WWOX: variants seen among roughly 807,000 people sequenced by gnomAD.
WWOX encodes WW domain containing oxidoreductase.
WWOX carries 69 observed loss-of-function variants against 46.2 expected under a neutral mutation model. The observed-to-expected ratio is 1.49, with a 90% CI of 1.23 to 1.82. The LOEUF is 1.82. Among genes scored for constraint, WWOX ranks in the 40% most tolerant of loss-of-function variants. The pLI is 0.00. For missense variants in WWOX, 919 were observed against 542.6 expected (o/e 1.69, Z -6.89); for synonymous variants, 359 against 202.6 (o/e 1.77, Z -6.56).
chr16:78,753,944 G>A (rs2049566943), intron 8 of WWOX, among the ~76,000 whole-genome samples: 1 of 145,820 alleles, frequency 6.9e-6, no homozygotes, highest in African/African-American at 2.5e-5. Context: ...GCAGAAACAG[G>A]GGAATTCTGT....
At chr16:78,866,599 A>G (rs1402056969) in intron 8 of WWOX, among the ~76,000 whole-genome samples, 2 of 152,364 alleles carry the variant, frequency 1.3e-5, no homozygotes, top group East Asian at 3.9e-4. Context: ...GTTCAGGGCC[A>G]CCAAGGCACT....
chr16:78,704,271 G>A (rs2048286757), intron 8 of WWOX, among the ~76,000 whole-genome samples: 1 of 152,042 alleles, frequency 6.6e-6, no homozygotes, highest in Non-Finnish European at 1.5e-5. Context: ...GGATCCCATA[G>A]CGGGTATCTC....
At chr16:78,278,748 T>C (rs1322695482) in intron 5 of WWOX, 2 of 1,207,672 alleles carry the variant, frequency 1.7e-6, no homozygotes, top group East Asian at 2.5e-5. Flanking sequence ...TTTTGACTTC[T>C]ATCTCGGTGA....
intron 8 of WWOX, among the ~76,000 whole-genome samples, chr16:79,017,877 T>C (rs767381875): frequency 2.6e-5 from 4 of 152,294 alleles, no homozygotes; most frequent in South Asian, 2.1e-4. Context: ...TGGACTGTAG[T>C]TTGCTGACAT....
At chr16:79,012,552 T>G (rs1396600454) in intron 8 of WWOX, among the ~76,000 whole-genome samples, 1 of 152,140 alleles carries the variant, frequency 6.6e-6, no homozygotes, top group Non-Finnish European at 1.5e-5. Flanking sequence ...AATTTTTAAT[T>G]TGATATCATT....
intron 8 of WWOX, among the ~76,000 whole-genome samples, chr16:78,730,929 G>C (rs566950783): frequency 1.3e-5 from 2 of 152,156 alleles, no homozygotes; most frequent in East Asian, 1.9e-4. Flanking sequence ...AGATCACTTT[G>C]TTTGTTCCCC....
chr16:78,298,627 AC>A (rs1343141503), intron 5 of WWOX, among the ~76,000 whole-genome samples: 4 of 152,126 alleles, frequency 2.6e-5, no homozygotes, highest in Admixed American at 2.6e-4. Flanking sequence ...CCTTGCCTCT[AC>A]TAAAAATATA....
chr16:78,191,061 T>C (rs186059543), intron 5 of WWOX, among the ~76,000 whole-genome samples: 3 of 152,162 alleles, frequency 2.0e-5, no homozygotes, highest in Non-Finnish European at 4.4e-5. Flanking sequence ...GAAAATCTAC[T>C]TTATGAGCCC....
intron 6 of WWOX, among the ~76,000 whole-genome samples, chr16:78,388,112 A>G (rs529478885): frequency 4.7e-4 from 71 of 152,238 alleles, no homozygotes; most frequent in African/African-American, 1.7e-3. Context: ...CCTTAATGCA[A>G]CGTCCCACTG....
chr16:78,211,053 G>T (rs2036544827), intron 5 of WWOX, among the ~76,000 whole-genome samples: 1 of 152,092 alleles, frequency 6.6e-6, no homozygotes, highest in Non-Finnish European at 1.5e-5. Flanking sequence ...AGAATTGTGG[G>T]CAATTTCAGC....
chr16:78,435,245 C>G (rs2083307993), intron 8 of WWOX, among the ~76,000 whole-genome samples: 1 of 152,088 alleles, frequency 6.6e-6, no homozygotes. Context: ...ACTCAGTGAG[C>G]ACCGTACCTG....
intron 6 of WWOX, 122 bp from the exon 7 acceptor site, chr16:78,424,747 AG>A: frequency 9.1e-7 from 1 of 1,099,166 alleles, no homozygotes; most frequent in Non-Finnish European, 1.4e-6. Flanking sequence ...TCATTCCCGA[AG>A]GAGCATGGAT....
chr16:78,190,752 G>A (rs191360290), intron 5 of WWOX, among the ~76,000 whole-genome samples: 236 of 152,286 alleles, frequency 1.5e-3, no homozygotes, highest in Middle Eastern at 3.4e-3. Flanking sequence ...TCCAACCTGA[G>A]CCAGATAATT....
intron 5 of WWOX, chr16:78,238,065 C>T (rs1042668905): frequency 6.6e-6 from 1 of 152,218 alleles, no homozygotes; most frequent in Non-Finnish European, 1.5e-5. Flanking sequence ...GGCCTCAACC[C>T]TCAACTCACT....
chr16:78,772,401 C>T lies in WWOX; in HGVS notation c.1056+339649C>T, dbSNP rs558272825. The stretch of plus-strand genomic sequence containing the variant: ...TCTTTTATATGGCTGCATAGTATTC[C>T]ATGGTGTATATTCACTACTTTTTTT... On this transcript the variant is annotated intron_variant, in intron 8 of 8. Coordinates refer to ENST00000566780, the MANE Select transcript of WWOX (RefSeq NM_016373.4). Among the ~76,000 whole-genome samples, 9 of 152,280 alleles carry T rather than the reference C, an allele frequency of 5.9e-5. No homozygotes were observed. In the South Asian group the frequency reaches 1.9e-3, roughly 32 times the overall value.
intron 5 of WWOX, among the ~76,000 whole-genome samples, chr16:78,307,909 G>A (rs1051866701): frequency 1.3e-5 from 2 of 152,174 alleles, no homozygotes; most frequent in Non-Finnish European, 1.5e-5. Context: ...ATTTAGCACA[G>A]TTTCAATTGT....
At chr16:78,646,890 A>T (rs2142131454) in intron 8 of WWOX, among the ~76,000 whole-genome samples, 1 of 152,184 alleles carries the variant, frequency 6.6e-6, no homozygotes. Flanking sequence ...GTTGGCTGTG[A>T]GTAAGAGAAG....
At chr16:78,364,548 C>G (rs567669736) in intron 5 of WWOX, among the ~76,000 whole-genome samples, 1 of 134,500 alleles carries the variant, frequency 7.4e-6, no homozygotes, top group Non-Finnish European at 1.6e-5. Flanking sequence ...TTTGGGACTC[C>G]GGAAGAAAAA....
intron 5 of WWOX, among the ~76,000 whole-genome samples, chr16:78,182,287 C>T (rs148185769): frequency 6.6e-5 from 10 of 152,212 alleles, no homozygotes; most frequent in African/African-American, 2.4e-4. Context: ...CGTGTGCTTT[C>T]CAAGTGCTGG....
Sources: gnomAD v4.1 joint callset for allele counts (sites outside exome capture counted in the v4.1 genomes callset) on GRCh38, gnomAD v4.1.1 for gene constraint, MANE v1.5 for transcripts, NCBI Gene and HGNC (gene_info 2026-07-23, HGNC 2026-07-21) for gene names.